The following ZFPM1 variants were observed in gnomAD, a reference collection of about 807,000 sequenced individuals.
ZFPM1 encodes the protein zinc finger protein ZFPM1.
ZFPM1 carries 28 observed loss-of-function variants against 46.3 expected under a neutral mutation model. The ratio of observed to expected loss-of-function variants is 0.60; its 90% CI spans 0.45 to 0.83. The LOEUF is 0.83. ZFPM1 is among the 40% of genes least tolerant of loss of function. ZFPM1 has a pLI of 0.00. For missense variants in ZFPM1, 1,878 were observed against 1,432.4 expected, an observed-to-expected ratio of 1.31 and a Z score of -5.02; for synonymous variants, 957 against 675.9, an observed-to-expected ratio of 1.42 and a Z score of -6.45.
Position 88,533,671 on chromosome 16 carries a change from C to A in ZFPM1, c.1713C>A (p.Pro571=). The part of the protein sequence containing the change: ...GAGGAQTGLF[P]GAPKGATCFE... ...GCGGCGCGCAGACCGGGCTCTTCCC[C>A]GGGGCCCCCAAGGGCGCTACGTGCT... Residue 571 remains proline, a synonymous_variant, in exon 10 of 10, where the codon CCC becomes CCA. Coordinates refer to ENST00000319555, the MANE Select transcript of ZFPM1 (RefSeq NM_153813.3). 3 of 1,484,184 alleles carry A rather than the reference C, an allele frequency of 2.0e-6. No homozygotes were observed. The highest frequency in any genetic ancestry group is 2.7e-6 in the Non-Finnish European group (3 of 1,112,102). The allele number at this position is 1,484,184 out of a possible 1,614,324, so 91.9% of individuals were successfully genotyped here. A position where few individuals can be genotyped will look rare whatever the true frequency, so the allele number is the denominator to read the frequency against.
Position 88,534,018 on chromosome 16 carries a change from C to T in ZFPM1, c.2060C>T (p.Ala687Val). 2.9e-6 allele frequency: 4 copies of T among 1,379,434 alleles called. No individual in the cohort carries two copies. The highest frequency in any genetic ancestry group is 3.8e-6 in the Non-Finnish European group (4 of 1,050,444). 85.4% of individuals were successfully genotyped at this position (1,379,434 alleles called of 1,614,324 possible). The change falls in exon 10 of 10, where the codon GCC becomes GTC. Residue 687 changes from alanine to valine, a missense_variant. Ala to Val is a moderately conservative substitution (Grantham distance 64, BLOSUM62 0). Transcript: ENST00000319555. ...EDDPSRTLCE[A>V]CNIRFSRHET... The stretch of plus-strand genomic sequence containing the variant: ...GACCCCAGCCGCACGCTGTGCGAGG[C>T]CTGCAACATCCGCTTCAGCCGCCAC...
Position 88,533,164 on chromosome 16 carries a change from C to A in ZFPM1, c.1206C>A (p.Phe402Leu), listed in dbSNP as rs745773529. 2.7e-6 allele frequency: 4 copies of A among 1,507,722 alleles called. No individual in the cohort carries two copies. The South Asian group carries it at 5.2e-5, about 20-fold the overall frequency. 93.4% of individuals were successfully genotyped at this position (1,507,722 alleles called of 1,614,324 possible). A position where few individuals can be genotyped will look rare whatever the true frequency, so the allele number is the denominator to read the frequency against. ...TCTCTGCAGACAGTCTGGGCAGCTTCCAGCAGCAGCACACGGCCCTGCAAG... is the reference window on the plus strand; with the variant it reads ...TCTCTGCAGACAGTCTGGGCAGCTTACAGCAGCAGCACACGGCCCTGCAAG... ...TKLPPDSLGS[F>L]QQQHTALQGP... The change falls in exon 10 of 10, where the codon TTC becomes TTA. Residue 402 changes from phenylalanine to leucine, a missense_variant. Transcript: ENST00000319555.
chr16:88,461,014 G>A (rs1250713483), intron 1 of ZFPM1, among the ~76,000 whole-genome samples: 8 of 71,510 alleles, frequency 1.1e-4, no homozygotes, highest in Admixed American at 2.8e-4. Flanking sequence ...GGACCGAGGG[G>A]TGGGGCGGGA....
chr16:88,517,052 C>T (rs1308416648), intron 4 of ZFPM1, among the ~76,000 whole-genome samples: 40 of 152,202 alleles, frequency 2.6e-4, no homozygotes, highest in Admixed American at 6.5e-5. Flanking sequence ...GATGCAGCAA[C>T]AGCTCCCACC....
At chr16:88,492,820 C>T (rs1909653896) in intron 3 of ZFPM1, among the ~76,000 whole-genome samples, 1 of 152,116 alleles carries the variant, frequency 6.6e-6, no homozygotes, top group African/African-American at 2.4e-5. Context: ...GAGAGGAGGC[C>T]TCCCAGCCCC....
Position 88,534,474 on chromosome 16 carries a change from C to T in ZFPM1, c.2516C>T (p.Ser839Leu), listed in dbSNP as rs1355285603. 1.3e-6 allele frequency: 2 copies of T among 1,486,010 alleles called. No individual in the cohort carries two copies. The highest frequency in any genetic ancestry group is 1.5e-5 in the African/African-American group (1 of 68,330). The allele number at this position is 1,486,010 out of a possible 1,614,324, so 92.1% of individuals were successfully genotyped here. A position where few individuals can be genotyped will look rare whatever the true frequency, so the allele number is the denominator to read the frequency against. ...LEAYLAHKKYSCPAAPPPGAL... is the reference protein window; with the variant it reads ...LEAYLAHKKYLCPAAPPPGAL... ...GCCTACCTGGCGCACAAGAAGTACT[C>T]GTGCCCCGCTGCGCCACCGCCCGGC... The change falls in exon 10 of 10, where the codon TCG becomes TTG. Residue 839 changes from serine to leucine, a missense_variant. Transcript: ENST00000319555.
At chr16:88,486,122 GTGGT>G in intron 2 of ZFPM1, 79 bp downstream of exon 2, 1 of 1,419,932 alleles carries the variant, frequency 7.0e-7, no homozygotes, top group Non-Finnish European at 9.6e-7. Context: ...TCAGAGCTCA[GTGGT>G]GTCTGAGAGG....
intron 1 of ZFPM1, among the ~76,000 whole-genome samples, chr16:88,457,773 G>A (rs1907621723): frequency 6.6e-6 from 1 of 151,954 alleles, no homozygotes. Context: ...TTCCAGACAC[G>A]AGGCACCGCA....
intron 1 of ZFPM1, among the ~76,000 whole-genome samples, chr16:88,461,167 GGTGAGGA>G (rs1907853188): frequency 7.2e-6 from 1 of 138,398 alleles, no homozygotes; most frequent in Non-Finnish European, 1.5e-5. Context: ...CGGGAGACCT[GGTGAGGA>G]CCGAGGGGCG....
chr16:88,503,170 G>T (rs1298654657), intron 3 of ZFPM1, among the ~76,000 whole-genome samples: 4 of 152,380 alleles, frequency 2.6e-5, no homozygotes, highest in Middle Eastern at 3.4e-3. Context: ...GCGGCACAGG[G>T]GAGGGAGCTG....
chr16:88,474,493 A>G (rs546959623), intron 1 of ZFPM1, among the ~76,000 whole-genome samples: 1 of 151,920 alleles, frequency 6.6e-6, no homozygotes, highest in African/African-American at 2.4e-5. Context: ...ATAAAACCCC[A>G]GCTCCCTCCA....
At chr16:88,451,884 G>A (rs1567522028), upstream of ZFPM1, among the ~76,000 whole-genome samples, 1 of 151,990 alleles carries the variant, frequency 6.6e-6, no homozygotes, top group South Asian at 2.1e-4. Flanking sequence ...CATATCCAGT[G>A]TTGTACCCCT....
In ZFPM1 at chr16:88,526,815, G is replaced by A; in HGVS notation, c.404G>A (p.Ser135Asn). ...CGTGTTCCTACCCTCCCCCCCCAGAGCCCAGCCCTGACCCTGCTGCTGGTG... is the reference window on the plus strand; with the variant it reads ...CGTGTTCCTACCCTCCCCCCCCAGAACCCAGCCCTGACCCTGCTGCTGGTG... ...RASSPRQAEP[S>N]PALTLLLVDE... is the part of the protein sequence containing the mutation. Residue 135 changes from serine to asparagine, a missense_variant and splice_region_variant, in exon 5 of 10, where the codon AGC (serine) becomes AAC (asparagine). By Grantham distance (46) the Ser-to-Asn change is conservative. Coordinates refer to ENST00000319555, the MANE Select transcript of ZFPM1 (RefSeq NM_153813.3). 1.9e-6 allele frequency: 2 copies of A among 1,046,370 alleles called. No homozygotes were observed. The highest frequency in any genetic ancestry group is 1.5e-5 in the African/African-American group (1 of 64,862). The allele number at this position is 1,046,370 out of a possible 1,614,324, so 64.8% of individuals were successfully genotyped here.
intron 3 of ZFPM1, among the ~76,000 whole-genome samples, chr16:88,511,814 C>T (rs1910980540): frequency 6.6e-6 from 1 of 152,192 alleles, no homozygotes; most frequent in Non-Finnish European, 1.5e-5. Context: ...CTCCCCTTAC[C>T]AATCCAGGCA....
Position 88,535,111 on chromosome 16 carries a change from G to A in ZFPM1, c.*132G>A. ...AGGCCTCGGCGGAGGGGGCCGCAGG[G>A]GGCAGCGCCCGCCTGGACCCTTGGC... On this transcript the variant is annotated 3_prime_UTR_variant, in exon 10 of 10. Transcript: ENST00000319555. 2.6e-6 allele frequency: 3 copies of A among 1,157,680 alleles called. No homozygotes were observed. The highest frequency in any genetic ancestry group is 2.2e-6 in the Non-Finnish European group (2 of 893,612). 71.7% of individuals were successfully genotyped at this position (1,157,680 alleles called of 1,614,324 possible).
intron 1 of ZFPM1, among the ~76,000 whole-genome samples, chr16:88,461,215 G>GGGGCA (rs1907864450): frequency 7.2e-6 from 1 of 138,192 alleles, no homozygotes; most frequent in African/African-American, 3.0e-5. Flanking sequence ...ACCCAGGGGC[G>GGGGCA]GGAGGCCTGG....
chr16:88,511,191 G>A (rs1910941536), intron 3 of ZFPM1, among the ~76,000 whole-genome samples: 1 of 152,170 alleles, frequency 6.6e-6, no homozygotes, highest in East Asian at 1.9e-4. Flanking sequence ...CGGTGGGGGT[G>A]TCTGGCCACT....
chr16:88,532,975 C>T, intron 9 of ZFPM1, 40 bp downstream of exon 9: 1 of 1,610,248 alleles, frequency 6.2e-7, no homozygotes, highest in Non-Finnish European at 8.5e-7. Flanking sequence ...CCCTTAGGCC[C>T]CCTGAGCAGT....
Position 88,460,939 on chromosome 16 carries a change from TGATGACCGAGGGGC to T in ZFPM1, c.40+7263_40+7276del, listed in dbSNP as rs1357906821. On this transcript the variant is annotated intron_variant, in intron 1 of 9. Coordinates refer to ENST00000319555, the MANE Select transcript of ZFPM1 (RefSeq NM_153813.3). ...CCGAGGGGCGGGGCGGGAGGCCTGG[TGATGACCGAGGGGC>T]GGGGCGGGAGGCCTGGTGAGGACCG... Among the ~76,000 whole-genome samples, 16 of 56,380 alleles carry T rather than the reference TGATGACCGAGGGGC, an allele frequency of 2.8e-4. 3 individuals carry two copies. The highest frequency in any genetic ancestry group is 1.2e-3 in the African/African-American group (15 of 12,394). The allele number at this position is 56,380 out of a possible 152,430, so 37.0% of individuals were successfully genotyped here.
Sources: gnomAD v4.1 joint callset for allele counts (sites outside exome capture counted in the v4.1 genomes callset) on GRCh38, gnomAD v4.1.1 for gene constraint, MANE v1.5 for transcripts, NCBI Gene and HGNC (gene_info 2026-07-23, HGNC 2026-07-21) for gene names.